ABCC2: variants seen among roughly 807,000 people sequenced by gnomAD.
ABCC2 encodes the protein ATP binding cassette subfamily C member 2.
ABCC2 carries 157 observed loss-of-function variants against 173.4 expected under a neutral mutation model. The observed-to-expected ratio is 0.91, with a 90% CI of 0.80 to 1.03. The LOEUF is 1.03. Among genes scored for constraint, ABCC2 ranks in the 50% least tolerant of loss-of-function variants. The pLI is 0.00. For missense variants in ABCC2, 1,822 were observed against 1,852.3 expected (o/e 0.98, Z 0.30); for synonymous variants, 657 against 693.5 (o/e 0.95, Z 0.83).
chr10:99,850,109 G>T (rs959480537), intron 30 of ABCC2, among the ~76,000 whole-genome samples: 1 of 152,184 alleles, frequency 6.6e-6, no homozygotes, highest in East Asian at 1.9e-4. Context: ...AAATTGATTT[G>T]CTAAGGCCAC....
chr10:99,806,069 C>CTTTCTG (rs1476324269), intron 11 of ABCC2, among the ~76,000 whole-genome samples: 7 of 84,540 alleles, frequency 8.3e-5, no homozygotes, highest in African/African-American at 3.8e-4. Context: ...CAGTCTCTCT[C>CTTTCTG]TCTCTGTCTG....
At chr10:99,814,644 CAT>C (rs1482526542) in intron 16 of ABCC2, among the ~76,000 whole-genome samples, 7 of 118,126 alleles carry the variant, frequency 5.9e-5, no homozygotes, top group African/African-American at 2.1e-4. Context: ...TGTATATACA[CAT>C]ATACACACAC....
intron 1 of ABCC2, among the ~76,000 whole-genome samples, 169 bp downstream of exon 1, chr10:99,783,046 GAT>G (rs2037641973): frequency 6.6e-6 from 1 of 152,212 alleles, no homozygotes; most frequent in South Asian, 2.1e-4. Flanking sequence ...GAGGATATAA[GAT>G]CTGGGAAATG....
chr10:99,840,264 CGGTCGGTCGCGGCAGCGGCT>C (rs2038913276), intron 25 of ABCC2, among the ~76,000 whole-genome samples: 1 of 139,092 alleles, frequency 7.2e-6, no homozygotes. Flanking sequence ...GCGGCGGCTG[CGGTCGGTCGCGGCAGCGGCT>C]CCGCTTCATA....
chr10:99,800,316 G>C, intron 8 of ABCC2, 70 bp from the exon 9 acceptor site: 1 of 1,505,874 alleles, frequency 6.6e-7, no homozygotes, highest in Non-Finnish European at 9.2e-7. Context: ...TAGTCTAGCT[G>C]GCTGTGCATG....
intron 25 of ABCC2, among the ~76,000 whole-genome samples, chr10:99,841,389 C>CA (rs1366467096): frequency 5.3e-5 from 8 of 151,904 alleles, no homozygotes; most frequent in African/African-American, 1.9e-4. Context: ...CCTGGCTCTA[C>CA]AAAAAATACA....
chr10:99,787,153 C>T (rs1417047826), intron 2 of ABCC2, among the ~76,000 whole-genome samples: 1 of 101,504 alleles, frequency 9.9e-6, no homozygotes, highest in Non-Finnish European at 2.1e-5. Context: ...CAGACTCTGT[C>T]TCAAAAAAAA....
rs778993749 is a variant in ABCC2, at chr10:99,808,232, A to G, written c.1815+3A>G. 1.9e-6 allele frequency: 3 copies of G among 1,614,036 alleles called. No homozygotes were observed. The highest frequency in any genetic ancestry group is 2.2e-5 in the South Asian group (2 of 91,084). On this transcript the variant is annotated splice_donor_region_variant and intron_variant, in intron 13 of 31. Coordinates refer to ENST00000647814, the MANE Select transcript of ABCC2 (RefSeq NM_000392.5). ...TGATGATCTCCTCCATGCTCCAGGT[A>G]GGTCGGCATTCTCACTGCTAACTCC...
At chr10:99,810,060 C>A in intron 13 of ABCC2, 74 bp from the exon 14 acceptor site, 1 of 1,418,818 alleles carries the variant, frequency 7.0e-7, no homozygotes, top group Non-Finnish European at 9.9e-7. Flanking sequence ...CATGGACTAA[C>A]GACAAAGTCA....
intron 24 of ABCC2, 133 bp downstream of exon 24, chr10:99,834,668 A>G: frequency 9.1e-7 from 1 of 1,096,816 alleles, no homozygotes. Flanking sequence ...CCATTTAGTC[A>G]TATGTTGACA....
intron 27 of ABCC2, among the ~76,000 whole-genome samples, chr10:99,844,102 G>A (rs1169319143): frequency 5.3e-5 from 8 of 152,046 alleles, no homozygotes; most frequent in African/African-American, 7.3e-5. Flanking sequence ...GCAACATACC[G>A]AGGAGATCTA....
intron 16 of ABCC2, among the ~76,000 whole-genome samples, chr10:99,816,117 G>A (rs2038404519): frequency 6.6e-6 from 1 of 151,424 alleles, no homozygotes; most frequent in East Asian, 1.9e-4. Context: ...ACAGGCACAT[G>A]CCACCATGCC....
In ABCC2 at chr10:99,834,509, C is replaced by T. The variant is rs1434370656; in HGVS notation, c.3388C>T (p.Leu1130Phe). The T allele has an allele frequency of 1.2e-6, 2 of 1,614,190 alleles. No individual in the cohort carries two copies. The highest frequency in any genetic ancestry group is 1.7e-6 in the Non-Finnish European group (2 of 1,180,044). ...TGTCTTCACCATCATCGTCATTCCT[C>T]TTGGCATTATTTATGTATCTGTTCA... ...TPVFTIIVIP[L>F]GIIYVSVQMF... is the part of the protein sequence containing the mutation. The change falls in exon 24 of 32, where the codon CTT (leucine) becomes TTT (phenylalanine). Residue 1130 changes from leucine to phenylalanine, a missense_variant. Physicochemically the swap from Leu to Phe is conservative, Grantham distance 22. Coordinates refer to ENST00000647814, the MANE Select transcript of ABCC2 (RefSeq NM_000392.5).
chr10:99,788,197 C>G (rs2037751486), intron 2 of ABCC2, among the ~76,000 whole-genome samples: 1 of 152,196 alleles, frequency 6.6e-6, no homozygotes, highest in Non-Finnish European at 1.5e-5. Flanking sequence ...TTACAAACAG[C>G]TACGTACATA....
At position 99,782,835 on chromosome 10, in the gene ABCC2, T is replaced by C; in HGVS notation, c.-10T>C. 6.2e-7 allele frequency: 1 copy of C among 1,613,988 alleles called. No homozygotes were observed. The highest frequency in any genetic ancestry group is 8.5e-7 in the Non-Finnish European group (1 of 1,179,868). On this transcript the variant is annotated 5_prime_UTR_variant, in exon 1 of 32. Coordinates refer to ENST00000647814, the MANE Select transcript of ABCC2 (RefSeq NM_000392.5). ...AGAAGAGTCTTCGTTCCAGACGCAG[T>C]CCAGGAATCATGCTGGAGAAGTTCT...
Position 99,789,302 on chromosome 10 carries a change from T to C in ABCC2, c.208-2932T>C, listed in dbSNP as rs534233753. The C allele has an allele frequency of 2.0e-5, 3 of 152,298 alleles. No homozygotes were observed. In the South Asian group the frequency reaches 6.2e-4, roughly 32 times the overall value. The allele number at this position is 152,298 out of a possible 1,614,324, so 9.4% of individuals were successfully genotyped here. ...CCTCCTCATATGTCATTTGCAAGGA[T>C]GGATAACTTTCATCAGGGCCACGAG... On this transcript the variant is annotated intron_variant, in intron 2 of 31. Transcript: ENST00000647814.
chr10:99,813,428 A>C (rs2038251848), intron 16 of ABCC2, among the ~76,000 whole-genome samples: 1 of 152,154 alleles, frequency 6.6e-6, no homozygotes, highest in Non-Finnish European at 1.5e-5. Flanking sequence ...AAATATAGGC[A>C]TTTCTGGCCA....
intron 24 of ABCC2, 111 bp from the exon 25 acceptor site, chr10:99,835,980 C>T (rs1355682011): frequency 2.1e-5 from 22 of 1,065,560 alleles, no homozygotes; most frequent in Admixed American, 1.5e-4. Flanking sequence ...CTTGTTCAGA[C>T]GTAAGCTGTG....
intron 17 of ABCC2, among the ~76,000 whole-genome samples, chr10:99,818,365 C>A (rs2038459704): frequency 4.6e-5 from 7 of 152,170 alleles, no homozygotes; most frequent in Admixed American, 4.6e-4. Flanking sequence ...ATGTAGCAAT[C>A]TTGGGGAACA....
Sources: allele counts gnomAD v4.1 joint callset (sites outside exome capture counted in the v4.1 genomes callset), GRCh38; gene constraint gnomAD v4.1.1; transcripts MANE v1.5; gene names NCBI Gene and HGNC (gene_info 2026-07-23, HGNC 2026-07-21).